Variants in HRAS observed in about 807,000 individuals in gnomAD.
The protein encoded by HRAS is HRas proto-oncogene, GTPase.
In HRAS, 11 loss-of-function variants were observed where a neutral mutation model predicts 19.8. The ratio of observed to expected loss-of-function variants is 0.55; its 90% CI spans 0.35 to 0.92. HRAS has a LOEUF of 0.92. Ranked by LOEUF, HRAS falls within the 40% of genes least tolerant of loss-of-function variation. HRAS has a pLI of 0.01. For synonymous variants in HRAS, 149 were observed against 105.5 expected (o/e 1.41, Z -2.52); for missense variants, 204 against 255.9 (o/e 0.80, Z 1.38).
Position 534,388 on chromosome 11 carries a change from G to T in HRAS, c.-53-13C>A. 1 of 1,336,326 alleles carries T rather than the reference G, an allele frequency of 7.5e-7. No individual in the cohort carries two copies. The highest frequency in any genetic ancestry group is 1.1e-6 in the Non-Finnish European group (1 of 949,866). The allele number at this position is 1,336,326 out of a possible 1,614,324, so 82.8% of individuals were successfully genotyped here. On this transcript the variant is annotated splice_polypyrimidine_tract_variant and intron_variant, in intron 1 of 5. Coordinates refer to ENST00000311189, the MANE Select transcript of HRAS (RefSeq NM_005343.4). ...TCTCCTGCCCCACCTGCCAAGGAGG[G>T]CCCTGCTCAGCCAGGCCCAGGCCCA...
chr11:533,284 G>A, intron 4 of HRAS, 169 bp downstream of exon 4: 1 of 1,592,968 alleles, frequency 6.3e-7, no homozygotes, highest in Non-Finnish European at 8.5e-7. Context: ...TACAGCGCGA[G>A]GGGCCGCTGG....
intron 1 of HRAS, chr11:534,631 G>A (rs1325157824): frequency 8.1e-6 from 4 of 494,428 alleles, no homozygotes; most frequent in African/African-American, 3.9e-5. Context: ...TGACAGCTGA[G>A]CGCTCTCAAC....
intron 1 of HRAS, chr11:535,189 G>A (rs2033009533): frequency 6.6e-6 from 1 of 151,662 alleles, no homozygotes; most frequent in Non-Finnish European, 1.5e-5. Context: ...CACGGGTGGG[G>A]CCCGGATTCC....
intron 1 of HRAS, among the ~76,000 whole-genome samples, chr11:534,891 G>A (rs1851364491): frequency 6.6e-6 from 1 of 152,250 alleles, no homozygotes; most frequent in Admixed American, 6.5e-5. Context: ...CCCCCGGCGG[G>A]GAACCGGGGG....
At position 532,323 on chromosome 11, in the gene HRAS, G is replaced by T. The variant is rs942968261; in HGVS notation, c.*205C>A. The T allele has an allele frequency of 3.9e-6, 2 of 512,248 alleles. No individual in the cohort carries two copies. The highest frequency in any genetic ancestry group is 2.2e-5 in the South Asian group (1 of 45,490). The allele number at this position is 512,248 out of a possible 1,614,324, so 31.7% of individuals were successfully genotyped here. ...AGGCCTGGGAGGGGAGCTAAGGGCT[G>T]GGGTTCCGGTGGCATTTGGGATGTT... is the stretch of plus-strand genomic sequence containing the variant. On this transcript the variant is annotated 3_prime_UTR_variant, in exon 6 of 6. Transcript: ENST00000311189.
intron 1 of HRAS, chr11:534,596 G>A (rs1851340585): frequency 9.0e-6 from 5 of 557,060 alleles, no homozygotes; most frequent in East Asian, 6.0e-5. Context: ...GATGGGAAAA[G>A]GGACCCAGCC....
chr11:534,559 GC>G lies in HRAS; in HGVS notation c.-53-185del, dbSNP rs1310267550. Reference sequence around the variant, plus strand: ...CAGCGTGCGGGAGGGCTGTCGCCTCGCCCCCACTTGCTCTTAATGACCCAGT... The same window carrying G: ...CAGCGTGCGGGAGGGCTGTCGCCTCGCCCCACTTGCTCTTAATGACCCAGT... On this transcript the variant is annotated intron_variant, in intron 1 of 5. Coordinates refer to ENST00000311189, the MANE Select transcript of HRAS (RefSeq NM_005343.4). The G allele has an allele frequency of 1.4e-5, 8 of 588,350 alleles. No individual in the cohort carries two copies. In the East Asian group the frequency reaches 1.7e-4, roughly 12 times the overall value. 36.4% of individuals were successfully genotyped at this position (588,350 alleles called of 1,614,324 possible). A position where few individuals can be genotyped will look rare whatever the true frequency, so the allele number is the denominator to read the frequency against.
intron 3 of HRAS, 54 bp downstream of exon 3, chr11:533,712 G>C (rs2133989129): frequency 6.2e-7 from 1 of 1,611,416 alleles, no homozygotes. Context: ...GGACGCAGCC[G>C]GCCTGGCCCC....
In HRAS at chr11:532,275, C is replaced by T; in HGVS notation, c.*253G>A. The T allele has an allele frequency of 2.2e-6, 1 of 453,688 alleles. No individual in the cohort carries two copies. Among genetic ancestry groups the T allele is most frequent in the Non-Finnish European group, 4.1e-6 (1 of 245,012 alleles). 28.1% of individuals were successfully genotyped at this position (453,688 alleles called of 1,614,324 possible). A position where few individuals can be genotyped will look rare whatever the true frequency, so the allele number is the denominator to read the frequency against. ...ATCCAATAATTTACTGTGATCCCAT[C>T]TGTGCCCGACAAGGGCCCACAGAGG... On this transcript the variant is annotated 3_prime_UTR_variant, in exon 6 of 6. Coordinates refer to ENST00000311189, the MANE Select transcript of HRAS (RefSeq NM_005343.4).
chr11:534,840 G>C (rs942671062), intron 1 of HRAS, among the ~76,000 whole-genome samples: 2 of 152,214 alleles, frequency 1.3e-5, no homozygotes, highest in Non-Finnish European at 2.9e-5. Context: ...CTGCGTACTA[G>C]GCGCCGCCGA....
At chr11:533,421 C>G (rs1478691219) in intron 4 of HRAS, 32 bp downstream of exon 4, 6 of 1,610,706 alleles carry the variant, frequency 3.7e-6, no homozygotes, top group Non-Finnish European at 5.1e-6. Flanking sequence ...GGGCGGGTCC[C>G]TGGCTAGCTG....
chr11:532,443 C>CCTTG lies in HRAS; in HGVS notation c.*81_*84dup, dbSNP rs1394372263. 3.9e-6 allele frequency: 3 copies of CCTTG among 768,582 alleles called. No homozygotes were observed. In the African/African-American group the frequency reaches 5.2e-5, roughly 13 times the overall value. The allele number at this position is 768,582 out of a possible 1,614,324, so 47.6% of individuals were successfully genotyped here. On this transcript the variant is annotated 3_prime_UTR_variant, in exon 6 of 6. Coordinates refer to ENST00000311189, the MANE Select transcript of HRAS (RefSeq NM_005343.4). ...GGGCTCCAGCAGCCCTTCCTTCCTT[C>CCTTG]CTTGCTTCCGTCCTTCCTTCCTCCT... is the stretch of plus-strand genomic sequence containing the variant.
At position 533,329 on chromosome 11, in the gene HRAS, G is replaced by A. The variant is rs1057522069; in HGVS notation, c.450+124C>T. 12 of 1,604,484 alleles carry A rather than the reference G, an allele frequency of 7.5e-6. No homozygotes were observed. The highest frequency in any genetic ancestry group is 3.3e-5 in the Admixed American group (2 of 59,952). On this transcript the variant is annotated intron_variant, in intron 4 of 5. Coordinates refer to ENST00000311189, the MANE Select transcript of HRAS (RefSeq NM_005343.4). ...GTCCCGGGGGGTCCCAGAGGGTCCC[G>A]GAGCTGGAGCTAGAGCCAGAGCGGC...
In HRAS at chr11:532,379, G is replaced by C. The variant is rs529406775; in HGVS notation, c.*149C>G. The C allele has an allele frequency of 1.5e-5, 9 of 584,352 alleles. 1 individual carries two copies. The highest frequency in any genetic ancestry group is 1.2e-4 in the South Asian group (6 of 50,360). 36.2% of individuals were successfully genotyped at this position (584,352 alleles called of 1,614,324 possible). On this transcript the variant is annotated 3_prime_UTR_variant, in exon 6 of 6. Coordinates refer to ENST00000311189, the MANE Select transcript of HRAS (RefSeq NM_005343.4). Reference sequence around the variant, plus strand: ...CAGTCTGTGCACAGCCTCCCTGGGAGGGTCTGCAGTCACCTCGGCCCACGG... The same window carrying C: ...CAGTCTGTGCACAGCCTCCCTGGGACGGTCTGCAGTCACCTCGGCCCACGG...
chr11:534,889 G>A (rs1489168551), intron 1 of HRAS, among the ~76,000 whole-genome samples: 1 of 152,118 alleles, frequency 6.6e-6, no homozygotes, highest in Non-Finnish European at 1.5e-5. Flanking sequence ...CACCCCCGGC[G>A]GGGAACCGGG....
Position 532,769 on chromosome 11 carries a change from G to T in HRAS, c.451-14C>A. 1.2e-6 allele frequency: 2 copies of T among 1,611,482 alleles called. No individual in the cohort carries two copies. Among genetic ancestry groups the T allele is most frequent in the Non-Finnish European group, 1.7e-6 (2 of 1,179,574 alleles). ...ATCCTCCACTCCCTGGGAAAGGAGG[G>T]ATGGGATCAGGAGGGACCGGCCTGT... is the stretch of plus-strand genomic sequence containing the variant. On this transcript the variant is annotated splice_polypyrimidine_tract_variant and intron_variant, in intron 4 of 5. Transcript: ENST00000311189.
chr11:535,436 CCCGGGG>C lies in HRAS; in HGVS notation c.-80_-75del, dbSNP rs939915760. The C allele has an allele frequency of 5.5e-5, 8 of 145,668 alleles. No homozygotes were observed. The highest frequency in any genetic ancestry group is 2.0e-4 in the African/African-American group (8 of 40,822). The allele number at this position is 145,668 out of a possible 1,614,324, so 9.0% of individuals were successfully genotyped here. A position where few individuals can be genotyped will look rare whatever the true frequency, so the allele number is the denominator to read the frequency against. On this transcript the variant is annotated 5_prime_UTR_variant, in exon 1 of 6. Transcript: ENST00000311189. The stretch of plus-strand genomic sequence containing the variant: ...CTCACCGTTCACAGGCGCGACTGCC[CCCGGGG>C]CCAGGGCCGGGGCCGAGGCCGGGGC...
rs397517142 is a variant in HRAS at position 533,491 on chromosome 11, C to T, written c.412G>A (p.Gly138Ser). The T allele has an allele frequency of 1.5e-5, 24 of 1,613,594 alleles. No individual in the cohort carries two copies. Among genetic ancestry groups the T allele is most frequent in the East Asian group, 6.7e-5 (3 of 44,886 alleles). The change falls in exon 4 of 6, where the codon GGC (glycine) becomes AGC (serine). Residue 138 changes from glycine (G) to serine (S), a missense_variant. By Grantham distance (56) the Gly-to-Ser change is moderately conservative. This residue lies in a region of HRAS where 142 missense variants were observed against 141.1 expected (regional missense o/e 1.01). Transcript: ENST00000311189. Reference protein sequence around the residue: ...RQAQDLARSYGIPYIETSAKT... With the variant: ...RQAQDLARSYSIPYIETSAKT... Reference sequence around the variant, plus strand: ...GCCGAGGTCTCGATGTAGGGGATGCCGTAGCTTCGGGCGAGGTCCTGAGCC... The same window carrying T: ...GCCGAGGTCTCGATGTAGGGGATGCTGTAGCTTCGGGCGAGGTCCTGAGCC...
At chr11:534,977 G>A (rs554262429) in intron 1 of HRAS, among the ~76,000 whole-genome samples, 4 of 152,328 alleles carry the variant, frequency 2.6e-5, no homozygotes, top group African/African-American at 9.6e-5. Context: ...GGAAGGGGCC[G>A]AGAAGCGGCG....
Sources: allele counts gnomAD v4.1 joint callset (sites outside exome capture counted in the v4.1 genomes callset), GRCh38; gene constraint gnomAD v4.1.1; regional missense constraint gnomAD v4.1.1; transcripts MANE v1.5; gene names NCBI Gene and HGNC (gene_info 2026-07-23, HGNC 2026-07-21).